Variants in CRPPA observed in about 807,000 individuals in gnomAD.
CRPPA encodes the protein CDP-L-ribitol pyrophosphorylase A, also known as D-ribitol-5-phosphate cytidylyltransferase.
In CRPPA, 43 loss-of-function variants were observed where a neutral mutation model predicts 52.0. That is an observed-to-expected ratio of 0.83 (90% CI 0.65 to 1.07). CRPPA has a LOEUF of 1.07. Among genes scored for constraint, CRPPA ranks in the 50% least tolerant of loss-of-function variants. CRPPA has a pLI of 0.00. For missense variants in CRPPA, 629 were observed against 551.7 expected (o/e 1.14, Z -1.40); for synonymous variants, 250 against 203.5 (o/e 1.23, Z -1.94).
chr7:16,150,995 T>G (rs1453684267), intron 9 of CRPPA, among the ~76,000 whole-genome samples: 1 of 152,220 alleles, frequency 6.6e-6, no homozygotes, highest in Non-Finnish European at 1.5e-5. Context: ...GCTGTTGCAT[T>G]GAAGATTAAG....
chr7:16,319,827 G>C (rs973502870), intron 3 of CRPPA, among the ~76,000 whole-genome samples: 4 of 152,090 alleles, frequency 2.6e-5, no homozygotes, highest in Non-Finnish European at 5.9e-5. Context: ...ATCACCACCT[G>C]CCTCTGCTAG....
intron 2 of CRPPA, among the ~76,000 whole-genome samples, chr7:16,400,815 G>A (rs753420112): frequency 5.3e-5 from 8 of 152,198 alleles, no homozygotes; most frequent in Admixed American, 1.3e-4. Context: ...TGCCTGACAC[G>A]TGTGTGACAT....
chr7:16,372,131 A>C (rs1162657486), intron 3 of CRPPA, among the ~76,000 whole-genome samples: 1 of 152,224 alleles, frequency 6.6e-6, no homozygotes, highest in Admixed American at 6.5e-5. Context: ...TATTTGAGGA[A>C]ATAATTGAGG....
At chr7:16,149,553 C>T (rs180777436) in intron 9 of CRPPA, among the ~76,000 whole-genome samples, 2 of 152,242 alleles carry the variant, frequency 1.3e-5, no homozygotes, top group East Asian at 3.9e-4. Flanking sequence ...ACTATTTCTA[C>T]AAAATTTAGC....
chr7:16,307,446 C>T (rs1303853231), intron 4 of CRPPA, among the ~76,000 whole-genome samples: 1 of 151,954 alleles, frequency 6.6e-6, no homozygotes, highest in African/African-American at 2.4e-5. Flanking sequence ...CTTTGGGAGG[C>T]TGAGGCAGGC....
At chr7:16,389,922 A>ATATATATATATAT (rs1163713598) in intron 2 of CRPPA, among the ~76,000 whole-genome samples, 155 of 62,138 alleles carry the variant, frequency 2.5e-3, no homozygotes, top group Non-Finnish European at 3.8e-3. Flanking sequence ...ACAAAAAAAA[A>ATATATATATATAT]AAAAAAATAT....
intron 1 of CRPPA, among the ~76,000 whole-genome samples, chr7:16,411,906 C>T (rs1263890719): frequency 6.6e-6 from 1 of 152,090 alleles, no homozygotes; most frequent in Non-Finnish European, 1.5e-5. Flanking sequence ...AATGGTTAAA[C>T]TTTTAAGGAA....
chr7:16,294,282 T>C (rs1478413941), intron 5 of CRPPA, among the ~76,000 whole-genome samples: 2 of 151,930 alleles, frequency 1.3e-5, no homozygotes, highest in Admixed American at 1.3e-4. Flanking sequence ...AGTGGCTGGC[T>C]TTTGTCTGAT....
intron 3 of CRPPA, among the ~76,000 whole-genome samples, chr7:16,340,233 A>G (rs995549180): frequency 1.3e-5 from 2 of 152,208 alleles, no homozygotes; most frequent in African/African-American, 4.8e-5. Context: ...ATGATACATG[A>G]AAAAATTGGT....
chr7:16,308,646 C>T lies in CRPPA; in HGVS notation c.685-19G>A, dbSNP rs1343321401. The stretch of plus-strand genomic sequence containing the variant: ...CACTACACTGGTGTGGAAACAACAA[C>T]AACAACAATTAAGCTAAAATGCGAT... On this transcript the variant is annotated intron_variant, in intron 3 of 9. Transcript: ENST00000407010. 7 of 1,377,478 alleles carry T rather than the reference C, an allele frequency of 5.1e-6. No homozygotes were observed. The highest frequency in any genetic ancestry group is 6.2e-6 in the Non-Finnish European group (6 of 971,052). The allele number at this position is 1,377,478 out of a possible 1,614,324, so 85.3% of individuals were successfully genotyped here. A position where few individuals can be genotyped will look rare whatever the true frequency, so the allele number is the denominator to read the frequency against.
intron 6 of CRPPA, among the ~76,000 whole-genome samples, chr7:16,273,657 A>G (rs548623575): frequency 2.6e-5 from 4 of 152,234 alleles, no homozygotes; most frequent in Non-Finnish European, 5.9e-5. Context: ...CGGACACCGA[A>G]CAAGAACTCT....
intron 2 of CRPPA, among the ~76,000 whole-genome samples, chr7:16,403,521 A>G (rs1207336164): frequency 6.6e-6 from 1 of 152,142 alleles, no homozygotes; most frequent in Non-Finnish European, 1.5e-5. Context: ...GGGGACCTTT[A>G]GGTAGAACCT....
chr7:16,258,910 A>C lies in CRPPA; in HGVS notation c.1026+10T>G. 2 of 1,583,632 alleles carry C rather than the reference A, an allele frequency of 1.3e-6. No individual in the cohort carries two copies. Among genetic ancestry groups the C allele is most frequent in the Non-Finnish European group, 1.7e-6 (2 of 1,157,970 alleles). ...TCCTTAAGTGCCTTCAATCATTTGAATTGACTTACATTCACACAAACAAAA... is the reference window on the plus strand; with the variant it reads ...TCCTTAAGTGCCTTCAATCATTTGACTTGACTTACATTCACACAAACAAAA... On this transcript the variant is annotated intron_variant, in intron 7 of 9. Transcript: ENST00000407010.
intron 9 of CRPPA, among the ~76,000 whole-genome samples, chr7:16,172,156 C>T (rs796453380): frequency 3.0e-4 from 46 of 152,326 alleles, no homozygotes; most frequent in African/African-American, 1.1e-3. Context: ...TTCCCGATTA[C>T]TTGCCCACCA....
At chr7:16,215,656 A>G (rs1782284528) in intron 9 of CRPPA, among the ~76,000 whole-genome samples, 1 of 152,258 alleles carries the variant, frequency 6.6e-6, no homozygotes, top group African/African-American at 2.4e-5. Flanking sequence ...AAATTACACC[A>G]GTGGACAAGG....
At chr7:16,274,195 G>A (rs1197655191) in intron 6 of CRPPA, among the ~76,000 whole-genome samples, 1 of 152,016 alleles carries the variant, frequency 6.6e-6, no homozygotes, top group Admixed American at 6.6e-5. Flanking sequence ...GACTACAGAT[G>A]CCCACCACCA....
intron 9 of CRPPA, among the ~76,000 whole-genome samples, chr7:16,198,796 T>A (rs1443979546): frequency 2.6e-5 from 4 of 151,528 alleles, no homozygotes; most frequent in Admixed American, 6.6e-5. Context: ...CACGCAATCC[T>A]TCCTGCCTCT....
At chr7:16,242,518 A>G (rs1392386420) in intron 8 of CRPPA, among the ~76,000 whole-genome samples, 1 of 152,156 alleles carries the variant, frequency 6.6e-6, no homozygotes, top group Non-Finnish European at 1.5e-5. Context: ...GCAATACTAC[A>G]CACCCCCGTA....
At chr7:16,268,378 T>C (rs1022297401) in intron 6 of CRPPA, among the ~76,000 whole-genome samples, 2 of 151,702 alleles carry the variant, frequency 1.3e-5, no homozygotes, top group African/African-American at 4.9e-5. Flanking sequence ...TTAAAGAATA[T>C]TCAGACACCA....
Sources: allele counts gnomAD v4.1 joint callset (sites outside exome capture counted in the v4.1 genomes callset), GRCh38; gene constraint gnomAD v4.1.1; transcripts MANE v1.5; gene names NCBI Gene and HGNC (gene_info 2026-07-23, HGNC 2026-07-21).